The following MPDZ variants were observed in gnomAD, a reference collection of about 807,000 sequenced individuals.
MPDZ encodes multiple PDZ domain protein.
In MPDZ, 234 loss-of-function variants were observed where a neutral mutation model predicts 239.1. The ratio of observed to expected loss-of-function variants is 0.98; its 90% CI spans 0.88 to 1.09. MPDZ has a LOEUF of 1.09. Among genes scored for constraint, MPDZ ranks in the 50% least tolerant of loss-of-function variants. The pLI is 0.00. For synonymous variants in MPDZ, 1,048 were observed against 881.3 expected (o/e 1.19, Z -3.35); for missense variants, 3,175 against 2,510.0 (o/e 1.26, Z -5.66).
chr9:13,107,690 C>T (rs1174649191), intron 46 of MPDZ, among the ~76,000 whole-genome samples: 1 of 152,028 alleles, frequency 6.6e-6, no homozygotes, highest in African/African-American at 2.4e-5. Context: ...TTCTTACTTC[C>T]CAAGGGTAGA....
chr9:13,147,474 T>C, intron 26 of MPDZ, 74 bp downstream of exon 26: 1 of 1,100,726 alleles, frequency 9.1e-7, no homozygotes, highest in African/African-American at 1.5e-5. Context: ...TACAGACAAC[T>C]TGGCCCTTGA....
At chr9:13,256,958 T>C (rs1798655349) in intron 1 of MPDZ, among the ~76,000 whole-genome samples, 1 of 152,098 alleles carries the variant, frequency 6.6e-6, no homozygotes, top group African/African-American at 2.4e-5. Context: ...GACCTGTATA[T>C]ATGGGGTAAG....
intron 19 of MPDZ, among the ~76,000 whole-genome samples, chr9:13,180,189 T>C (rs1217993565): frequency 6.6e-6 from 1 of 152,126 alleles, no homozygotes; most frequent in Non-Finnish European, 1.5e-5. Context: ...TAAACATGGA[T>C]GTGAAGGCAA....
rs199730853 is a variant in MPDZ at position 13,113,045 on chromosome 9, T to C, written c.5567A>G (p.Glu1856Gly). The C allele has an allele frequency of 2.2e-5, 35 of 1,583,108 alleles. No individual in the cohort carries two copies. Among genetic ancestry groups the C allele is most frequent in the Non-Finnish European group, 2.8e-5 (32 of 1,162,498 alleles). The change falls in exon 42 of 47, where the codon GAA becomes GGA. Residue 1856 changes from glutamate (E) to glycine (G), a missense_variant. By Grantham distance (98) the Glu-to-Gly change is moderately conservative. Transcript: ENST00000319217. The part of the protein sequence containing the change: ...SSSKKNALAS[E>G]IQGLRTVEMK... Reference sequence around the variant, plus strand: ...TTCGACTGTTCTTAATCCCTGTATTTCAGATGCCACTGTAAAGGCAAAAAA... The same window carrying C: ...TTCGACTGTTCTTAATCCCTGTATTCCAGATGCCACTGTAAAGGCAAAAAA...
intron 18 of MPDZ, 121 bp from the exon 19 acceptor site, chr9:13,183,706 T>A (rs1013694515): frequency 1.1e-6 from 1 of 947,646 alleles, no homozygotes; most frequent in East Asian, 2.6e-5. Flanking sequence ...ATTTTCTATA[T>A]GCCCTCTTAA....
At chr9:13,163,303 G>C (rs919230065) in intron 22 of MPDZ, among the ~76,000 whole-genome samples, 3 of 152,028 alleles carry the variant, frequency 2.0e-5, no homozygotes, top group Non-Finnish European at 2.9e-5. Context: ...AATTATGTTA[G>C]CTCTATTAAG....
chr9:13,225,633 A>G (rs1960334760), intron 3 of MPDZ, among the ~76,000 whole-genome samples: 1 of 151,986 alleles, frequency 6.6e-6, no homozygotes, highest in South Asian at 2.1e-4. Context: ...GACAATTACC[A>G]TTGTGCTACA....
chr9:13,138,207 G>C (rs1317478480), intron 28 of MPDZ, 54 bp from the exon 29 acceptor site: 40 of 1,432,432 alleles, frequency 2.8e-5, no homozygotes, highest in Non-Finnish European at 3.6e-5. Flanking sequence ...ACAGTCAAAT[G>C]CTTTACTGTG....
chr9:13,266,633 T>C (rs1971858352), intron 1 of MPDZ, among the ~76,000 whole-genome samples: 1 of 152,238 alleles, frequency 6.6e-6, no homozygotes, highest in African/African-American at 2.4e-5. Flanking sequence ...TAAGACCACA[T>C]TTAATAGATT....
At chr9:13,273,656 T>TAAAG in intron 1 of MPDZ, among the ~76,000 whole-genome samples, 1 of 152,202 alleles carries the variant, frequency 6.6e-6, no homozygotes, top group Non-Finnish European at 1.5e-5. Flanking sequence ...GCCACATATG[T>TAAAG]AATTTTGTCT....
chr9:13,114,278 C>A (rs1205906098), intron 40 of MPDZ, among the ~76,000 whole-genome samples: 1 of 152,100 alleles, frequency 6.6e-6, no homozygotes, highest in Non-Finnish European at 1.5e-5. Flanking sequence ...AGTGGATAGT[C>A]ATAATCTCAT....
intron 10 of MPDZ, among the ~76,000 whole-genome samples, chr9:13,214,043 A>G (rs1957974813): frequency 6.6e-6 from 1 of 152,088 alleles, no homozygotes; most frequent in East Asian, 1.9e-4. Flanking sequence ...CAGAATTATC[A>G]TAAGATTCAG....
At chr9:13,115,915 A>AT (rs562116925) in intron 39 of MPDZ, among the ~76,000 whole-genome samples, 1 of 141,292 alleles carries the variant, frequency 7.1e-6, no homozygotes, top group Non-Finnish European at 1.5e-5. Flanking sequence ...ACTGCACTCC[A>AT]CCTGGGTGAC....
chr9:13,229,603 CA>C (rs1307359383), intron 3 of MPDZ, among the ~76,000 whole-genome samples: 5 of 148,060 alleles, frequency 3.4e-5, no homozygotes, highest in Non-Finnish European at 7.4e-5. Flanking sequence ...CACACACACA[CA>C]CCCCCATCCA....
rs376994619 is a variant in MPDZ, at chr9:13,136,617, T to A, written c.4292+95A>T. 1.0e-5 allele frequency: 9 copies of A among 858,508 alleles called. No individual in the cohort carries two copies. The African/African-American group carries it at 1.5e-4, about 15-fold the overall frequency. 53.2% of individuals were successfully genotyped at this position (858,508 alleles called of 1,614,324 possible). A position where few individuals can be genotyped will look rare whatever the true frequency, so the allele number is the denominator to read the frequency against. On this transcript the variant is annotated intron_variant, in intron 30 of 46. Transcript: ENST00000319217. The stretch of plus-strand genomic sequence containing the variant: ...CTGGGATTACAGGCATGAGCCAGCA[T>A]GCCCGGCTACAAATGTTTTCTTTTC...
chr9:13,174,482 C>G (rs993977366), intron 21 of MPDZ, among the ~76,000 whole-genome samples: 1 of 152,110 alleles, frequency 6.6e-6, no homozygotes, highest in Non-Finnish European at 1.5e-5. Context: ...AAAAATGCTA[C>G]ATTTGATAAT....
intron 27 of MPDZ, chr9:13,140,936 C>A (rs926674110): frequency 6.6e-6 from 1 of 152,104 alleles, no homozygotes; most frequent in African/African-American, 2.4e-5. Flanking sequence ...TTTGTTAGCA[C>A]AGAGCACACA....
intron 28 of MPDZ, among the ~76,000 whole-genome samples, chr9:13,138,782 C>G (rs970953538): frequency 6.6e-6 from 1 of 152,146 alleles, no homozygotes; most frequent in South Asian, 2.1e-4. Flanking sequence ...AGAGGGCTGA[C>G]GCCTCACGCA....
intron 8 of MPDZ, among the ~76,000 whole-genome samples, chr9:13,218,793 A>G (rs1161464034): frequency 6.6e-6 from 1 of 151,946 alleles, no homozygotes; most frequent in East Asian, 1.9e-4. Context: ...TTAAATATTT[A>G]AGAGACTTCT....
Sources: gnomAD v4.1 joint callset for allele counts (sites outside exome capture counted in the v4.1 genomes callset) on GRCh38, gnomAD v4.1.1 for gene constraint, MANE v1.5 for transcripts, NCBI Gene and HGNC (gene_info 2026-07-23, HGNC 2026-07-21) for gene names.